Variants in KIFC3 observed in about 807,000 individuals in gnomAD.
The protein encoded by KIFC3 is kinesin-like protein KIFC3.
KIFC3 carries 60 observed loss-of-function variants against 101.8 expected under a neutral mutation model. The ratio of observed to expected loss-of-function variants is 0.59; its 90% CI spans 0.48 to 0.73. The LOEUF (loss-of-function observed/expected upper bound fraction) is 0.73, where lower values mean the gene tolerates loss of function less well. Among genes scored for constraint, KIFC3 ranks in the 30% least tolerant of loss-of-function variants. The pLI, the probability that KIFC3 is intolerant of heterozygous loss-of-function variation, is 0.00. For missense variants in KIFC3, 966 were observed against 1,137.1 expected (o/e 0.85, Z 2.16); for synonymous variants, 476 against 482.7 (o/e 0.99, Z 0.18).
intron 1 of KIFC3, among the ~76,000 whole-genome samples, chr16:57,800,447 G>C (rs1384896201): frequency 2.6e-5 from 4 of 152,170 alleles, no homozygotes; most frequent in Non-Finnish European, 5.9e-5. Context: ...GCACAGAGCT[G>C]GGCACACAAC....
chr16:57,823,918 C>T (rs1025333368), intron 1 of KIFC3, among the ~76,000 whole-genome samples: 1 of 152,080 alleles, frequency 6.6e-6, no homozygotes. Flanking sequence ...TGAGCCACCA[C>T]GCCCAGCCTA....
chr16:57,797,330 C>G (rs1447651436), intron 2 of KIFC3, among the ~76,000 whole-genome samples: 1 of 152,230 alleles, frequency 6.6e-6, no homozygotes, highest in African/African-American at 2.4e-5. Context: ...CTCTCTCCCC[C>G]ACACTACCAG....
At chr16:57,814,740 C>T (rs1465929354) in intron 1 of KIFC3, among the ~76,000 whole-genome samples, 31 of 152,166 alleles carry the variant, frequency 2.0e-4, no homozygotes, top group East Asian at 9.7e-4. Context: ...ATTCTCGTGT[C>T]TCAGCGTCCC....
rs551456783 is a variant in KIFC3, at chr16:57,820,866, A to C, written c.109-22584T>G. 1.1e-4 allele frequency among the ~76,000 whole-genome samples: 16 copies of C among 152,322 alleles called. No homozygotes were observed. The East Asian group carries it at 1.9e-3, about 18-fold the overall frequency. ...TAAGGTGCAGTGGCTCATGCCTATTATCCCAGCACTATGGGAGGCTGAGGC... is the reference window on the plus strand; with the variant it reads ...TAAGGTGCAGTGGCTCATGCCTATTCTCCCAGCACTATGGGAGGCTGAGGC... On this transcript the variant is annotated intron_variant, in intron 1 of 2. Transcript: ENST00000563028.
chr16:57,810,113 G>A (rs1200354633), intron 1 of KIFC3, among the ~76,000 whole-genome samples: 1 of 152,140 alleles, frequency 6.6e-6, no homozygotes, highest in African/African-American at 2.4e-5. Flanking sequence ...CTCATCTGGT[G>A]CCACCACCAT....
chr16:57,832,177 T>C (rs1455112183), intron 1 of KIFC3, among the ~76,000 whole-genome samples: 2 of 151,444 alleles, frequency 1.3e-5, no homozygotes, highest in African/African-American at 4.9e-5. Flanking sequence ...TGCACCACCA[T>C]GCCCGTCTAA....
At chr16:57,763,915 GC>G (rs2050155045) in intron 12 of KIFC3, among the ~76,000 whole-genome samples, 1 of 152,172 alleles carries the variant, frequency 6.6e-6, no homozygotes, top group African/African-American at 2.4e-5. Flanking sequence ...GTCCCCCCTT[GC>G]CTCTCTCCCA....
At chr16:57,822,620 C>G (rs1256450960) in intron 1 of KIFC3, among the ~76,000 whole-genome samples, 1 of 152,050 alleles carries the variant, frequency 6.6e-6, no homozygotes, top group Non-Finnish European at 1.5e-5. Flanking sequence ...TGGCTTGAAC[C>G]CAGGAGGTGG....
At chr16:57,764,920 A>C (rs1206267512) in intron 11 of KIFC3, among the ~76,000 whole-genome samples, 1 of 145,110 alleles carries the variant, frequency 6.9e-6, no homozygotes, top group Non-Finnish European at 1.5e-5. Flanking sequence ...GGGTGGGGCC[A>C]TGCAGATGGG....
chr16:57,775,056 T>C, intron 3 of KIFC3: 3 of 1,517,306 alleles, frequency 2.0e-6, no homozygotes, highest in Non-Finnish European at 2.6e-6. Context: ...CAGTGTTTGC[T>C]GGGGGTGGGA....
chr16:57,789,317 G>A (rs2053644874), intron 3 of KIFC3, among the ~76,000 whole-genome samples: 1 of 152,248 alleles, frequency 6.6e-6, no homozygotes. Context: ...CACAGGCAAA[G>A]GACTCGAGAC....
At chr16:57,799,109 G>T (rs2054561141) in intron 1 of KIFC3, among the ~76,000 whole-genome samples, 1 of 152,228 alleles carries the variant, frequency 6.6e-6, no homozygotes, top group African/African-American at 2.4e-5. Flanking sequence ...ATGGAGGGGG[G>T]CAGAGAGCAT....
rs2049627483 is a variant in KIFC3 at position 57,759,924 on chromosome 16, C to G, written c.2368-88G>C. On this transcript the variant is annotated intron_variant, in intron 17 of 19. Coordinates refer to ENST00000445690, the MANE Select transcript of KIFC3 (RefSeq NM_001130100.2). Reference sequence around the variant, plus strand: ...GCTTCTCTCTACTCCCCTGCCCTGCCTCCTAACACCCAGTTTCCTCATCTG... The same window carrying G: ...GCTTCTCTCTACTCCCCTGCCCTGCGTCCTAACACCCAGTTTCCTCATCTG... The G allele has an allele frequency of 2.4e-5, 23 of 963,062 alleles. No homozygotes were observed. The South Asian group carries it at 3.5e-4, about 15-fold the overall frequency. 59.7% of individuals were successfully genotyped at this position (963,062 alleles called of 1,614,324 possible).
At chr16:57,772,031 C>T (rs1384989777) in intron 4 of KIFC3, among the ~76,000 whole-genome samples, 192 bp downstream of exon 4, 1 of 152,028 alleles carries the variant, frequency 6.6e-6, no homozygotes, top group Non-Finnish European at 1.5e-5. Context: ...AGAGAAGGAA[C>T]CTCCCACCCC....
chr16:57,812,957 C>G (rs142032707), intron 1 of KIFC3, among the ~76,000 whole-genome samples: 1 of 152,282 alleles, frequency 6.6e-6, no homozygotes, highest in East Asian at 1.9e-4. Context: ...TGCAAGGGAT[C>G]CATCACGAGG....
chr16:57,842,538 AAATAATTCAAT>A (rs1341404341), intron 1 of KIFC3, among the ~76,000 whole-genome samples: 1 of 152,236 alleles, frequency 6.6e-6, no homozygotes, highest in Non-Finnish European at 1.5e-5. Flanking sequence ...ACAGCAGCAA[AAATAATTCAAT>A]AATAATTCAA....
chr16:57,858,091 CA>C (rs113031879), intron 1 of KIFC3, among the ~76,000 whole-genome samples: 2,245 of 152,266 alleles, frequency 0.015, 47 homozygotes, highest in African/African-American at 0.052. Flanking sequence ...GCTGGGATTA[CA>C]GGCGTGAGCC....
chr16:57,850,637 G>A (rs1195389164), intron 1 of KIFC3, among the ~76,000 whole-genome samples: 1 of 151,354 alleles, frequency 6.6e-6, no homozygotes, highest in African/African-American at 2.4e-5. Flanking sequence ...CACCATGCCC[G>A]GCTAATTTTT....
At chr16:57,829,682 C>A (rs1441552217) in intron 1 of KIFC3, among the ~76,000 whole-genome samples, 1 of 152,222 alleles carries the variant, frequency 6.6e-6, no homozygotes, top group East Asian at 1.9e-4. Flanking sequence ...CTGTTTCCCT[C>A]CCAGGGTCAT....
Sources: gnomAD v4.1 joint callset for allele counts (sites outside exome capture counted in the v4.1 genomes callset) on GRCh38, gnomAD v4.1.1 for gene constraint, MANE v1.5 for transcripts, NCBI Gene and HGNC (gene_info 2026-07-23, HGNC 2026-07-21) for gene names.